The following DACH1 variants were observed in gnomAD, a reference collection of about 807,000 sequenced individuals.
The protein encoded by DACH1 is dachshund homolog 1.
In DACH1, 12 loss-of-function variants were observed where a neutral mutation model predicts 54.2. The observed-to-expected ratio is 0.22, with a 90% confidence interval of 0.14 to 0.36. The LOEUF (loss-of-function observed/expected upper bound fraction) is 0.36, where lower values mean the gene tolerates loss of function less well. Among genes scored for constraint, DACH1 ranks in the 10% least tolerant of loss-of-function variants. The pLI, the probability that DACH1 is intolerant of heterozygous loss-of-function variation, is 1.00. For missense variants in DACH1, 805 were observed against 929.8 expected, an observed-to-expected ratio of 0.87 and a Z score of 1.75; for synonymous variants, 386 against 366.2, an observed-to-expected ratio of 1.05 and a Z score of -0.62.
At chr13:71,770,660 T>G (rs960200943) in intron 1 of DACH1, among the ~76,000 whole-genome samples, 1 of 151,660 alleles carries the variant, frequency 6.6e-6, no homozygotes, top group African/African-American at 2.4e-5. Flanking sequence ...GTAGAAAACG[T>G]AATTTATTTT....
At chr13:71,775,121 C>T (rs1033112270) in intron 1 of DACH1, among the ~76,000 whole-genome samples, 2 of 83,342 alleles carry the variant, frequency 2.4e-5, no homozygotes, top group Non-Finnish European at 5.0e-5. Flanking sequence ...TCCATCTCAA[C>T]ACAAGCTTTT....
At chr13:71,693,834 G>GA (rs1881663185) in intron 1 of DACH1, among the ~76,000 whole-genome samples, 2 of 152,100 alleles carry the variant, frequency 1.3e-5, no homozygotes, top group African/African-American at 2.4e-5. Flanking sequence ...TGGGTGTATA[G>GA]AAAAAATACA....
chr13:71,703,861 G>A, intron 1 of DACH1, among the ~76,000 whole-genome samples: 1 of 152,120 alleles, frequency 6.6e-6, no homozygotes, highest in East Asian at 1.9e-4. Flanking sequence ...CAGATATATT[G>A]ATAAACACTG....
intron 2 of DACH1, among the ~76,000 whole-genome samples, chr13:71,648,510 T>C (rs1183458191): frequency 1.3e-5 from 2 of 152,296 alleles, no homozygotes; most frequent in East Asian, 1.9e-4. Context: ...TTAATGTCCA[T>C]CTTTGATACC....
intron 8 of DACH1, among the ~76,000 whole-genome samples, chr13:71,477,997 A>C (rs1208771258): frequency 6.6e-6 from 1 of 152,156 alleles, no homozygotes; most frequent in East Asian, 1.9e-4. Flanking sequence ...GAACCAATAA[A>C]ATTCTGAAGG....
chr13:71,564,212 A>G (rs2138393442), intron 4 of DACH1, among the ~76,000 whole-genome samples: 1 of 152,200 alleles, frequency 6.6e-6, no homozygotes, highest in South Asian at 2.1e-4. Flanking sequence ...ATTCAGACAT[A>G]ATAAGAAAGA....
intron 1 of DACH1, among the ~76,000 whole-genome samples, chr13:71,858,748 C>T (rs1251884548): frequency 6.6e-6 from 1 of 151,676 alleles, no homozygotes; most frequent in African/African-American, 2.4e-5. Context: ...TGATATCATG[C>T]AGTATTTGTC....
At chr13:71,775,389 C>A (rs901911835) in intron 1 of DACH1, among the ~76,000 whole-genome samples, 66 of 151,758 alleles carry the variant, frequency 4.3e-4, no homozygotes, top group Non-Finnish European at 8.7e-4. Context: ...ATAGACAAAC[C>A]AGGTAATTAA....
chr13:71,813,760 C>T (rs1887808362), intron 1 of DACH1, among the ~76,000 whole-genome samples: 1 of 152,052 alleles, frequency 6.6e-6, no homozygotes, highest in Admixed American at 6.6e-5. Flanking sequence ...AAAGGGATTG[C>T]CATTTTTCAA....
intron 7 of DACH1, among the ~76,000 whole-genome samples, chr13:71,483,361 A>G (rs1263175704): frequency 6.8e-6 from 1 of 147,360 alleles, no homozygotes; most frequent in Admixed American, 6.8e-5. Context: ...ATATAATTAT[A>G]TATTATAATT....
chr13:71,778,092 CAATAAATAAATAAATAAATAAATAAATA>C (rs369933133), intron 1 of DACH1, among the ~76,000 whole-genome samples: 6 of 138,950 alleles, frequency 4.3e-5, no homozygotes, highest in African/African-American at 1.3e-4. Context: ...ACCCTGTCTA[CAATAAATAAATAAATAAATAAATAAATA>C]AATAAATAAA....
At chr13:71,488,598 C>A (rs1878730531) in intron 7 of DACH1, among the ~76,000 whole-genome samples, 1 of 151,496 alleles carries the variant, frequency 6.6e-6, no homozygotes, top group Admixed American at 6.6e-5. Context: ...ATATCATTTC[C>A]TCACTAGAAG....
chr13:71,678,312 A>G (rs1880689780), intron 2 of DACH1, among the ~76,000 whole-genome samples: 1 of 152,204 alleles, frequency 6.6e-6, no homozygotes, highest in Non-Finnish European at 1.5e-5. Context: ...TTAATGTTTT[A>G]AGACAGTAAA....
At chr13:71,808,256 AC>A (rs1251933418) in intron 1 of DACH1, among the ~76,000 whole-genome samples, 1 of 152,136 alleles carries the variant, frequency 6.6e-6, no homozygotes, top group Non-Finnish European at 1.5e-5. Context: ...ATGCCTCTTT[AC>A]TGTGCTTCTT....
intron 2 of DACH1, among the ~76,000 whole-genome samples, chr13:71,674,026 T>C (rs1171928354): frequency 6.6e-6 from 1 of 152,218 alleles, no homozygotes; most frequent in Non-Finnish European, 1.5e-5. Context: ...AAATTTGTAA[T>C]TGTAAGGCAT....
chr13:71,866,225 G>A lies in DACH1; in HGVS notation c.545C>T (p.Thr182Ile), dbSNP rs754515488. 1.9e-6 allele frequency: 3 copies of A among 1,612,626 alleles called. No individual in the cohort carries two copies. The highest frequency in any genetic ancestry group is 1.3e-5 in the African/African-American group (1 of 74,836). The change falls in exon 1 of 11, where the codon ACC becomes ATC. Residue 182 changes from threonine (T) to isoleucine (I), a missense_variant. Thr to Ile is a moderately conservative substitution (Grantham distance 89). Around this residue, in one of 3 missense-constraint regions of DACH1, gnomAD observed 305 missense variants for 308.7 expected, o/e 0.99. Transcript: ENST00000613252. ...VYSTPSPVENTPQNNECKMVD... is the reference protein window; with the variant it reads ...VYSTPSPVENIPQNNECKMVD... ...CATTTTGCACTCATTATTCTGAGGG[G>A]TGTTTTCCACTGGGGACGGGGTTGA... is the stretch of plus-strand genomic sequence containing the variant.
chr13:71,527,794 A>G (rs1882104209), intron 6 of DACH1, among the ~76,000 whole-genome samples: 2 of 152,170 alleles, frequency 1.3e-5, no homozygotes, highest in African/African-American at 4.8e-5. Flanking sequence ...TTCAAAAGCT[A>G]TATTGGCTTT....
intron 3 of DACH1, among the ~76,000 whole-genome samples, chr13:71,586,330 A>C (rs1289819297): frequency 6.6e-6 from 1 of 152,152 alleles, no homozygotes; most frequent in Non-Finnish European, 1.5e-5. Flanking sequence ...TCAGGATTAA[A>C]TAGTAAGGTT....
chr13:71,818,766 G>T (rs942270109), intron 1 of DACH1, among the ~76,000 whole-genome samples: 2 of 152,214 alleles, frequency 1.3e-5, no homozygotes, highest in African/African-American at 4.8e-5. Context: ...AGTTGAAAGT[G>T]GATTCTCCTT....
Sources: allele counts gnomAD v4.1 joint callset (sites outside exome capture counted in the v4.1 genomes callset), GRCh38; gene constraint gnomAD v4.1.1; regional missense constraint gnomAD v4.1.1; transcripts MANE v1.5; gene names NCBI Gene and HGNC (gene_info 2026-07-23, HGNC 2026-07-21).